CTNNA1: variants seen among roughly 807,000 people sequenced by gnomAD.
The protein encoded by CTNNA1 is catenin alpha 1.
CTNNA1 carries 37 observed loss-of-function variants against 98.4 expected under a neutral mutation model. The ratio of observed to expected loss-of-function variants is 0.38; its 90% CI spans 0.29 to 0.49. The LOEUF is 0.49. Ranked by LOEUF, CTNNA1 falls within the 20% of genes least tolerant of loss-of-function variation. The pLI is 0.95. For synonymous variants in CTNNA1, 404 were observed against 413.2 expected (o/e 0.98, Z 0.27); for missense variants, 761 against 1,147.2 (o/e 0.66, Z 4.86).
chr5:138,776,612 T>A (rs1754221721), intron 1 of CTNNA1, among the ~76,000 whole-genome samples: 1 of 151,542 alleles, frequency 6.6e-6, no homozygotes, highest in Non-Finnish European at 1.5e-5. Flanking sequence ...CACTTCCCAG[T>A]AGGAGCGGCC....
At chr5:138,798,892 A>G (rs897112198) in intron 3 of CTNNA1, among the ~76,000 whole-genome samples, 1 of 152,100 alleles carries the variant, frequency 6.6e-6, no homozygotes, top group Admixed American at 6.6e-5. Context: ...GTTCCTGTCT[A>G]CCTCAGTTTC....
intron 13 of CTNNA1, among the ~76,000 whole-genome samples, chr5:138,926,252 C>T (rs1290183938): frequency 2.0e-5 from 3 of 152,156 alleles, no homozygotes; most frequent in African/African-American, 4.8e-5. Context: ...GTCACTCAGC[C>T]CCTTGTGTCC....
At chr5:138,920,409 C>T (rs562652898) in intron 11 of CTNNA1, among the ~76,000 whole-genome samples, 1 of 152,294 alleles carries the variant, frequency 6.6e-6, no homozygotes, top group South Asian at 2.1e-4. Flanking sequence ...TTGGCCCTGA[C>T]GTGGCCCTGC....
At chr5:138,908,957 C>G (rs959554516) in intron 10 of CTNNA1, among the ~76,000 whole-genome samples, 2 of 152,074 alleles carry the variant, frequency 1.3e-5, no homozygotes, top group Non-Finnish European at 2.9e-5. Flanking sequence ...CTTTGTATCC[C>G]AGGCATTATG....
chr5:138,770,145 T>A (rs116584731), intron 1 of CTNNA1, among the ~76,000 whole-genome samples: 1,651 of 152,258 alleles, frequency 0.011, 27 homozygotes, highest in African/African-American at 0.038. Flanking sequence ...ATACTTTTAT[T>A]TTTTAAAAAA....
intron 7 of CTNNA1, among the ~76,000 whole-genome samples, chr5:138,838,027 A>G (rs1379980986): frequency 1.3e-5 from 2 of 152,174 alleles, no homozygotes; most frequent in African/African-American, 4.8e-5. Flanking sequence ...TCAGCTCCCC[A>G]GTAGCTGGGA....
chr5:138,907,852 A>G (rs544009587), intron 10 of CTNNA1, among the ~76,000 whole-genome samples: 1 of 152,302 alleles, frequency 6.6e-6, no homozygotes, highest in African/African-American at 2.4e-5. Flanking sequence ...AGGCTGCTGT[A>G]CATAGGCAGC....
intron 7 of CTNNA1, among the ~76,000 whole-genome samples, chr5:138,834,581 A>G (rs1761593048): frequency 6.6e-6 from 1 of 152,168 alleles, no homozygotes; most frequent in African/African-American, 2.4e-5. Flanking sequence ...TAATACTTTT[A>G]CCATTGTACA....
At chr5:138,782,650 T>C (rs987410798) in intron 2 of CTNNA1, among the ~76,000 whole-genome samples, 1 of 152,218 alleles carries the variant, frequency 6.6e-6, no homozygotes, top group African/African-American at 2.4e-5. Context: ...GATGGTAATG[T>C]TCTAAGACAT....
At chr5:138,841,257 G>A (rs893222067) in intron 7 of CTNNA1, among the ~76,000 whole-genome samples, 8 of 152,020 alleles carry the variant, frequency 5.3e-5, no homozygotes, top group Non-Finnish European at 7.4e-5. Flanking sequence ...ATATATGTAT[G>A]TATGTATTTA....
chr5:138,803,659 A>T (rs1171447634), intron 3 of CTNNA1, among the ~76,000 whole-genome samples: 4 of 152,152 alleles, frequency 2.6e-5, no homozygotes, highest in African/African-American at 7.2e-5. Context: ...AGATAGCCAC[A>T]TTATTCCTGT....
chr5:138,767,149 G>A (rs1287796612), intron 1 of CTNNA1, among the ~76,000 whole-genome samples: 1 of 152,114 alleles, frequency 6.6e-6, no homozygotes, highest in East Asian at 1.9e-4. Flanking sequence ...CCATTCTCCT[G>A]CTCAGCCTCC....
At chr5:138,828,903 T>C (rs1435607081) in intron 7 of CTNNA1, among the ~76,000 whole-genome samples, 1 of 152,118 alleles carries the variant, frequency 6.6e-6, no homozygotes, top group Non-Finnish European at 1.5e-5. Flanking sequence ...GTGGGTGGAT[T>C]GCGTGAGCCC....
At chr5:138,855,061 C>T (rs532703560) in intron 7 of CTNNA1, among the ~76,000 whole-genome samples, 1 of 152,192 alleles carries the variant, frequency 6.6e-6, no homozygotes, top group Admixed American at 6.5e-5. Context: ...TGTTTTGAGA[C>T]GGAGTCTCAC....
At chr5:138,878,594 A>G (rs1475460894) in intron 7 of CTNNA1, among the ~76,000 whole-genome samples, 1 of 152,208 alleles carries the variant, frequency 6.6e-6, no homozygotes, top group East Asian at 1.9e-4. Flanking sequence ...AACTGAGTCA[A>G]GTGGCAGGGC....
At chr5:138,924,400 C>G (rs879776987) in intron 11 of CTNNA1, 110 bp from the exon 12 acceptor site, 3 of 1,042,546 alleles carry the variant, frequency 2.9e-6, no homozygotes, top group Non-Finnish European at 4.3e-6. Context: ...GTAAAACTTT[C>G]AGCACTGTGG....
intron 10 of CTNNA1, among the ~76,000 whole-genome samples, chr5:138,906,131 C>G (rs17207772): frequency 0.31 from 46,975 of 151,898 alleles, 7,417 homozygotes; most frequent in African/African-American, 0.37. Flanking sequence ...GTTAGTAGGG[C>G]ATTTGTTCTA....
At chr5:138,916,900 G>A (rs1233560585) in intron 10 of CTNNA1, among the ~76,000 whole-genome samples, 4 of 151,832 alleles carry the variant, frequency 2.6e-5, no homozygotes, top group African/African-American at 7.3e-5. Context: ...TCAGCCTCCT[G>A]AGTAGCTGGA....
intron 5 of CTNNA1, among the ~76,000 whole-genome samples, chr5:138,817,052 T>C (rs1459002279): frequency 6.6e-6 from 1 of 152,194 alleles, no homozygotes; most frequent in Non-Finnish European, 1.5e-5. Context: ...GTTGAGTTGT[T>C]TGAGTTGTTT....
Sources: gnomAD v4.1 joint callset for allele counts (sites outside exome capture counted in the v4.1 genomes callset) on GRCh38, gnomAD v4.1.1 for gene constraint, MANE v1.5 for transcripts, NCBI Gene and HGNC (gene_info 2026-07-23, HGNC 2026-07-21) for gene names.